Variants in WDPCP observed in about 807,000 individuals in gnomAD.
WDPCP encodes WD repeat-containing and planar cell polarity effector protein fritz homolog.
In WDPCP, 71 loss-of-function variants were observed where a neutral mutation model predicts 93.1. The observed-to-expected ratio is 0.76, with a 90% CI of 0.63 to 0.93. WDPCP has a LOEUF of 0.93. WDPCP is among the 40% of genes least tolerant of loss of function. The probability of loss-of-function intolerance (pLI) is 0.00; values close to 1 mark genes in which losing one functional copy is unlikely to be tolerated. For synonymous variants in WDPCP, 315 were observed against 315.0 expected, an observed-to-expected ratio of 1.00 and a Z score of 0.00; for missense variants, 844 against 887.4, an observed-to-expected ratio of 0.95 and a Z score of 0.62.
At chr2:63,705,595 T>C (rs1669137110) in intron 2 of WDPCP, among the ~76,000 whole-genome samples, 1 of 152,204 alleles carries the variant, frequency 6.6e-6, no homozygotes, top group South Asian at 2.1e-4. Flanking sequence ...AGTTTCCATG[T>C]AGTTGAGCAG....
intron 14 of WDPCP, among the ~76,000 whole-genome samples, chr2:63,253,669 G>C (rs1680916428): frequency 6.6e-6 from 1 of 152,042 alleles, no homozygotes; most frequent in African/African-American, 2.4e-5. Flanking sequence ...AAGAGATGCA[G>C]ATCAAAACCA....
chr2:63,399,890 T>C (rs1694013608), intron 10 of WDPCP, among the ~76,000 whole-genome samples: 1 of 152,192 alleles, frequency 6.6e-6, no homozygotes, highest in African/African-American at 2.4e-5. Flanking sequence ...ATTGTATGTA[T>C]TATATCTTTC....
intron 2 of WDPCP, among the ~76,000 whole-genome samples, chr2:63,805,551 T>A (rs1171861693): frequency 6.6e-6 from 1 of 152,128 alleles, no homozygotes; most frequent in African/African-American, 2.4e-5. Flanking sequence ...CCAATTATGA[T>A]CTGCAGATTA....
intron 2 of WDPCP, among the ~76,000 whole-genome samples, chr2:63,667,702 G>A (rs1710299584): frequency 6.6e-6 from 1 of 152,148 alleles, no homozygotes; most frequent in South Asian, 2.1e-4. Context: ...CAGAGGAACA[G>A]GGAATATATA....
chr2:63,202,003 T>C (rs1481264723), intron 14 of WDPCP, among the ~76,000 whole-genome samples: 1 of 152,002 alleles, frequency 6.6e-6, no homozygotes, highest in African/African-American at 2.4e-5. Flanking sequence ...CTATAAATTC[T>C]AGCATTAATT....
chr2:63,426,087 C>A (rs913105559), intron 9 of WDPCP, among the ~76,000 whole-genome samples: 2 of 152,186 alleles, frequency 1.3e-5, no homozygotes, highest in African/African-American at 4.8e-5. Context: ...CGCCTGTAAT[C>A]CCAGCACTCT....
chr2:63,642,822 C>G (rs1709996979), intron 3 of WDPCP: 1 of 152,186 alleles, frequency 6.6e-6, no homozygotes, highest in African/African-American at 2.4e-5. Context: ...TCCTTCTCTT[C>G]TCTGATTGCT....
the WDPCP span, among the ~76,000 whole-genome samples, chr2:63,840,637 C>T: frequency 0.031 from 4,683 of 152,326 alleles, 128 homozygotes; most frequent in Non-Finnish European, 0.047. Context: ...GGGGCAGCTG[C>T]GGTGGGGAGC....
At chr2:63,833,610 T>C in the WDPCP span, among the ~76,000 whole-genome samples, 1 of 152,218 alleles carries the variant, frequency 6.6e-6, no homozygotes, top group East Asian at 1.9e-4. Flanking sequence ...CCATGTAATA[T>C]ATAGCATACC....
intron 10 of WDPCP, among the ~76,000 whole-genome samples, chr2:63,397,686 A>C (rs1693840209): frequency 6.6e-6 from 1 of 152,182 alleles, no homozygotes. Context: ...TCAAATGCTG[A>C]AAAGTCATCA....
chr2:63,648,380 T>C (rs1710075634), intron 3 of WDPCP, among the ~76,000 whole-genome samples: 1 of 152,236 alleles, frequency 6.6e-6, no homozygotes, highest in South Asian at 2.1e-4. Flanking sequence ...TTCATCAGTA[T>C]TCTTTTTTTG....
intron 14 of WDPCP, among the ~76,000 whole-genome samples, chr2:63,256,719 C>T (rs148220822): frequency 2.0e-5 from 3 of 152,246 alleles, no homozygotes; most frequent in South Asian, 4.1e-4. Flanking sequence ...AATTGAAGTA[C>T]ATTCATGCAT....
Position 63,509,750 on chromosome 2 carries a change from T to C in WDPCP, c.76-16810A>G, listed in dbSNP as rs556327085. ...ACAATAAAAAAAGATAAAGGGAAGA[T>C]CACTACTGATCCCACAGAAATACAA... On this transcript the variant is annotated intron_variant, in intron 1 of 17. Transcript: ENST00000272321. 2.6e-5 allele frequency among the ~76,000 whole-genome samples: 4 copies of C among 151,938 alleles called. No homozygotes were observed. In the South Asian group the frequency reaches 8.3e-4, roughly 32 times the overall value.
intron 13 of WDPCP, among the ~76,000 whole-genome samples, chr2:63,278,937 A>T (rs1047237111): frequency 1.3e-5 from 2 of 152,226 alleles, no homozygotes; most frequent in African/African-American, 4.8e-5. Flanking sequence ...AGATTAAACC[A>T]GGGAGATATA....
chr2:63,479,921 G>T (rs1265543945), intron 6 of WDPCP, among the ~76,000 whole-genome samples: 1 of 152,038 alleles, frequency 6.6e-6, no homozygotes, highest in Non-Finnish European at 1.5e-5. Flanking sequence ...CATCCAAATG[G>T]GTAAAGAGGA....
At chr2:63,807,366 G>A (rs924367114) in intron 2 of WDPCP, among the ~76,000 whole-genome samples, 2 of 152,180 alleles carry the variant, frequency 1.3e-5, no homozygotes, top group Non-Finnish European at 2.9e-5. Context: ...TTTTAAAAGA[G>A]TGTGACACCT....
chr2:63,582,290 G>A (rs1708545700), intron 1 of WDPCP, among the ~76,000 whole-genome samples: 1 of 152,058 alleles, frequency 6.6e-6, no homozygotes, highest in Non-Finnish European at 1.5e-5. Context: ...TGGATAGAAT[G>A]AATAGCATAT....
chr2:63,147,967 C>CAA (rs11331152), intron 17 of WDPCP, among the ~76,000 whole-genome samples: 43 of 87,450 alleles, frequency 4.9e-4, no homozygotes, highest in South Asian at 8.6e-4. Context: ...GACTCTGTCT[C>CAA]AAAAAAAAAA....
intron 3 of WDPCP, among the ~76,000 whole-genome samples, chr2:63,626,159 C>T (rs1385699512): frequency 6.6e-6 from 1 of 151,984 alleles, no homozygotes. Context: ...AACTGGACCC[C>T]TTCCTTACAC....
Sources: allele counts gnomAD v4.1 joint callset (sites outside exome capture counted in the v4.1 genomes callset), GRCh38; gene constraint gnomAD v4.1.1; transcripts MANE v1.5; gene names NCBI Gene and HGNC (gene_info 2026-07-23, HGNC 2026-07-21).